The following RIN2 variants were observed in gnomAD, a reference collection of about 807,000 sequenced individuals.
RIN2 encodes the protein RAB5 interacting protein 2.
A neutral mutation model predicts 78.0 loss-of-function variants in RIN2; 36 were observed. That is an observed-to-expected ratio of 0.46 (90% CI 0.35 to 0.61). The LOEUF (loss-of-function observed/expected upper bound fraction) is 0.61, where lower values mean the gene tolerates loss of function less well. Among genes scored for constraint, RIN2 ranks in the 20% least tolerant of loss-of-function variants. The pLI, the probability that RIN2 is intolerant of heterozygous loss-of-function variation, is 0.00. For missense variants in RIN2, 1,087 were observed against 1,159.7 expected, an observed-to-expected ratio of 0.94 and a Z score of 0.91; for synonymous variants, 466 against 466.8, an observed-to-expected ratio of 1.00 and a Z score of 0.02.
chr20:19,991,973 G>GT (rs1169843970), intron 10 of RIN2, among the ~76,000 whole-genome samples, 195 bp from the exon 11 acceptor site: 6 of 152,198 alleles, frequency 3.9e-5, no homozygotes, highest in African/African-American at 1.2e-4. Flanking sequence ...TTCTGAAACT[G>GT]TAAGGGCTGG....
chr20:19,979,526 G>T (rs1484181418), intron 9 of RIN2, among the ~76,000 whole-genome samples: 1 of 152,174 alleles, frequency 6.6e-6, no homozygotes, highest in Non-Finnish European at 1.5e-5. Context: ...TTAGACACCG[G>T]AGAGTATAGC....
At chr20:19,880,439 G>C (rs917274958) in intron 2 of RIN2, among the ~76,000 whole-genome samples, 1 of 104,978 alleles carries the variant, frequency 9.5e-6, no homozygotes, top group Non-Finnish European at 1.7e-5. Context: ...GTCTCACTCT[G>C]TTACCCAAGC....
intron 4 of RIN2, among the ~76,000 whole-genome samples, chr20:19,949,704 T>C (rs1383436516): frequency 6.6e-6 from 1 of 152,156 alleles, no homozygotes; most frequent in Non-Finnish European, 1.5e-5. Context: ...GAGCGGGTGA[T>C]GTAGGGGGAG....
At chr20:19,953,252 C>G (rs915185192) in intron 4 of RIN2, among the ~76,000 whole-genome samples, 10 of 152,038 alleles carry the variant, frequency 6.6e-5, no homozygotes, top group Non-Finnish European at 1.3e-4. Flanking sequence ...CTGCCTCAGC[C>G]TCCTGAGTAG....
At chr20:19,894,082 A>C (rs892913228) in intron 3 of RIN2, among the ~76,000 whole-genome samples, 1 of 152,180 alleles carries the variant, frequency 6.6e-6, no homozygotes, top group Non-Finnish European at 1.5e-5. Context: ...AAAAAACAAC[A>C]AAAACAACAA....
rs190612114 is a variant in RIN2, at chr20:19,933,837, C to G, written c.58-1262C>G. Reference sequence around the variant, plus strand: ...TGTTGTTATTTTTTTGAGATGGAGCCTCACTCTGTCGCCCAGGCTGGAGTG... The same window carrying G: ...TGTTGTTATTTTTTTGAGATGGAGCGTCACTCTGTCGCCCAGGCTGGAGTG... On this transcript the variant is annotated intron_variant, in intron 3 of 12. Coordinates refer to ENST00000255006, the MANE Select transcript of RIN2 (RefSeq NM_018993.4). Among the ~76,000 whole-genome samples the G allele has an allele frequency of 1.2e-3, 181 of 152,240 alleles. 1 individual carries two copies. Among genetic ancestry groups the G allele is most frequent in the African/African-American group, 4.1e-3 (170 of 41,530 alleles).
chr20:19,925,543 A>T (rs1428188682), intron 3 of RIN2, among the ~76,000 whole-genome samples: 2 of 152,252 alleles, frequency 1.3e-5, no homozygotes, highest in Non-Finnish European at 2.9e-5. Flanking sequence ...CAATGGATTC[A>T]TATACACAAC....
chr20:19,908,852 G>A (rs1014111660), intron 3 of RIN2, among the ~76,000 whole-genome samples: 3 of 152,108 alleles, frequency 2.0e-5, no homozygotes, highest in Non-Finnish European at 2.9e-5. Flanking sequence ...GGAACACCAC[G>A]CCTGTTGTTC....
intron 2 of RIN2, among the ~76,000 whole-genome samples, chr20:19,860,786 C>A (rs1163438817): frequency 6.6e-6 from 1 of 152,162 alleles, no homozygotes; most frequent in Non-Finnish European, 1.5e-5. Flanking sequence ...TTAATTATGT[C>A]CCTCACTGGA....
rs564557397 is a variant in RIN2 at position 19,948,306 on chromosome 20, G to A, written c.159-8309G>A. The stretch of plus-strand genomic sequence containing the variant: ...GGACTTGCCATTCATTCTATGAGGG[G>A]TTTTCAGATATTGTTAATTAACTAA... On this transcript the variant is annotated intron_variant, in intron 4 of 12. Coordinates refer to ENST00000255006, the MANE Select transcript of RIN2 (RefSeq NM_018993.4). Among the ~76,000 whole-genome samples, 4 of 152,206 alleles carry A rather than the reference G, an allele frequency of 2.6e-5. No homozygotes were observed. The East Asian group carries it at 7.7e-4, about 29-fold the overall frequency.
At chr20:19,847,442 G>A (rs536958864) in intron 2 of RIN2, among the ~76,000 whole-genome samples, 3 of 152,286 alleles carry the variant, frequency 2.0e-5, no homozygotes, top group African/African-American at 7.2e-5. Context: ...GCATAAACGT[G>A]CATGCAGTTA....
chr20:19,879,349 C>T (rs747013024), intron 2 of RIN2, among the ~76,000 whole-genome samples: 2 of 152,194 alleles, frequency 1.3e-5, no homozygotes, highest in Non-Finnish European at 2.9e-5. Context: ...TTTTCCCTTG[C>T]TAATTTCTGG....
rs573488009 is a variant in RIN2, at chr20:19,799,917, G to A, written c.-37+170G>A. On this transcript the variant is annotated intron_variant, in intron 2 of 12. Transcript: ENST00000255006. ...GGAGGATGTTTTCCAGCTGCCTGAGGGATTCTGTCCATGATACACTGGCAG... is the reference window on the plus strand; with the variant it reads ...GGAGGATGTTTTCCAGCTGCCTGAGAGATTCTGTCCATGATACACTGGCAG... 9.9e-5 allele frequency among the ~76,000 whole-genome samples: 15 copies of A among 152,274 alleles called. No homozygotes were observed. In the East Asian group the frequency reaches 2.5e-3, roughly 25 times the overall value.
At chr20:19,900,645 A>G (rs2038936736) in intron 3 of RIN2, among the ~76,000 whole-genome samples, 1 of 114,312 alleles carries the variant, frequency 8.7e-6, no homozygotes, top group African/African-American at 4.5e-5. Context: ...AAAAAAGAAA[A>G]AACAAAAACA....
intron 2 of RIN2, among the ~76,000 whole-genome samples, chr20:19,883,083 A>G (rs527472852): frequency 6.6e-6 from 1 of 152,234 alleles, no homozygotes; most frequent in African/African-American, 2.4e-5. Flanking sequence ...AGACTTTTCA[A>G]TGACCTTGCG....
chr20:19,926,076 G>C (rs183936489), intron 3 of RIN2, among the ~76,000 whole-genome samples: 140 of 152,300 alleles, frequency 9.2e-4, no homozygotes, highest in Non-Finnish European at 1.4e-3. Flanking sequence ...ACAATTTGTC[G>C]AGTGAAATTA....
intron 1 of RIN2, among the ~76,000 whole-genome samples, chr20:19,787,913 C>T (rs540205217): frequency 5.1e-4 from 78 of 152,272 alleles, no homozygotes; most frequent in South Asian, 1.4e-3. Flanking sequence ...CCATCTATCC[C>T]AGGTGATGGT....
intron 3 of RIN2, among the ~76,000 whole-genome samples, chr20:19,899,403 T>A (rs2038880932): frequency 6.6e-6 from 1 of 152,228 alleles, no homozygotes; most frequent in Admixed American, 6.5e-5. Context: ...GTCTTTATGG[T>A]GGCATGTAGA....
intron 3 of RIN2, among the ~76,000 whole-genome samples, chr20:19,910,682 C>A (rs1188529915): frequency 2.0e-5 from 3 of 151,680 alleles, no homozygotes; most frequent in African/African-American, 4.8e-5. Context: ...AATTCTCCTG[C>A]CATAGCCTCC....
Sources: gnomAD v4.1 joint callset for allele counts (sites outside exome capture counted in the v4.1 genomes callset) on GRCh38, gnomAD v4.1.1 for gene constraint, MANE v1.5 for transcripts, NCBI Gene and HGNC (gene_info 2026-07-23, HGNC 2026-07-21) for gene names.